CHD6: variants seen among roughly 807,000 people sequenced by gnomAD.
The protein encoded by CHD6 is ATP-dependent chromatin remodeler CHD6.
A neutral mutation model predicts 276.9 loss-of-function variants in CHD6; 50 were observed. The observed-to-expected ratio is 0.18, with a 90% confidence interval of 0.14 to 0.23. The LOEUF (loss-of-function observed/expected upper bound fraction) is 0.23, where lower values mean the gene tolerates loss of function less well. Among genes scored for constraint, CHD6 ranks in the 10% least tolerant of loss-of-function variants. The pLI is 1.00. For synonymous variants in CHD6, 1,173 were observed against 1,229.3 expected (o/e 0.95, Z 0.96); for missense variants, 2,564 against 3,365.8 (o/e 0.76, Z 5.89).
intron 11 of CHD6, among the ~76,000 whole-genome samples, chr20:41,490,356 G>A (rs6029706): frequency 0.23 from 35,182 of 152,062 alleles, 4,245 homozygotes; most frequent in East Asian, 0.39. Flanking sequence ...ACATACCTAG[G>A]CTATGTGGTA....
intron 1 of CHD6, among the ~76,000 whole-genome samples, chr20:41,597,763 A>C (rs541252213): frequency 4.0e-5 from 6 of 151,730 alleles, no homozygotes; most frequent in African/African-American, 1.5e-4. Context: ...GCTACCCCAC[A>C]TCTCATTATT....
rs542916038 is a variant in CHD6, at chr20:41,487,433, T to C, written c.2001+232A>G. 2.0e-5 allele frequency among the ~76,000 whole-genome samples: 3 copies of C among 152,288 alleles called. No individual in the cohort carries two copies. The East Asian group carries it at 5.8e-4, about 29-fold the overall frequency. On this transcript the variant is annotated intron_variant, in intron 14 of 36. Coordinates refer to ENST00000373233, the MANE Select transcript of CHD6 (RefSeq NM_032221.5). ...GCCCGATACACCAACATAAAATATTTTGGGCGCATAAGATATTTTGGGTAT... is the reference window on the plus strand; with the variant it reads ...GCCCGATACACCAACATAAAATATTCTGGGCGCATAAGATATTTTGGGTAT...
chr20:41,565,455 C>T (rs765134789), intron 1 of CHD6, among the ~76,000 whole-genome samples: 2 of 152,098 alleles, frequency 1.3e-5, no homozygotes, highest in African/African-American at 2.4e-5. Flanking sequence ...CATCAGGGCA[C>T]GAGAAAGAGG....
chr20:41,494,496 T>C (rs972842281), intron 8 of CHD6, among the ~76,000 whole-genome samples: 3 of 152,220 alleles, frequency 2.0e-5, no homozygotes, highest in Non-Finnish European at 4.4e-5. Context: ...CATATAGAAA[T>C]ACTTAAGGTA....
At chr20:41,491,871 A>C in intron 10 of CHD6, 52 bp from the exon 11 acceptor site, 1 of 1,595,336 alleles carries the variant, frequency 6.3e-7, no homozygotes, top group Non-Finnish European at 8.6e-7. Context: ...TTTTAGGAGC[A>C]TAACATGGAT....
At chr20:41,425,091 T>C in intron 29 of CHD6, 87 bp downstream of exon 29, 3 of 990,868 alleles carry the variant, frequency 3.0e-6, no homozygotes, top group South Asian at 1.4e-5. Context: ...AACAGAAATA[T>C]ACTCGCCCTC....
At chr20:41,491,598 G>T in intron 11 of CHD6, 100 bp downstream of exon 11, 2 of 1,334,632 alleles carry the variant, frequency 1.5e-6, no homozygotes, top group Non-Finnish European at 2.1e-6. Context: ...TGGCCATGCT[G>T]CTCCCTCTCA....
chr20:41,404,248 G>C lies in CHD6; in HGVS notation c.*345C>G. ...TCCACCCTTCAATGGTAAAACCCTA[G>C]ACAGCTTTCTTTTGCCATTTTTCCT... On this transcript the variant is annotated 3_prime_UTR_variant, in exon 37 of 37. Coordinates refer to ENST00000373233, the MANE Select transcript of CHD6 (RefSeq NM_032221.5). 1 of 1,085,206 alleles carries C rather than the reference G, an allele frequency of 9.2e-7. No individual in the cohort carries two copies. The highest frequency in any genetic ancestry group is 1.1e-6 in the Non-Finnish European group (1 of 893,634). The allele number at this position is 1,085,206 out of a possible 1,614,324, so 67.2% of individuals were successfully genotyped here.
rs1217738154 is a variant in CHD6 at position 41,498,200 on chromosome 20, G to A, written c.942C>T (p.Asp314=). 2 of 1,611,656 alleles carry A rather than the reference G, an allele frequency of 1.2e-6. No homozygotes were observed. The highest frequency in any genetic ancestry group is 1.7e-6 in the Non-Finnish European group (2 of 1,179,140). Residue 314 remains aspartate, a synonymous_variant, in exon 7 of 37, where the codon GAC becomes GAT. Coordinates refer to ENST00000373233, the MANE Select transcript of CHD6 (RefSeq NM_032221.5). ...TATACTTAACGTAGAACAGCTCCAA[G>A]TCGAACGGAGGTTCTCCTGGGTGAA... ...QEVHPGEPPF[D]LELFYVKYRN...
chr20:41,417,159 G>C, intron 32 of CHD6, 39 bp downstream of exon 32: 4 of 1,574,466 alleles, frequency 2.5e-6, no homozygotes, highest in South Asian at 1.2e-5. Context: ...AGCTGGGAAT[G>C]GTTTGGGGGT....
chr20:41,467,014 T>C (rs891229921), intron 17 of CHD6, among the ~76,000 whole-genome samples: 2 of 152,118 alleles, frequency 1.3e-5, no homozygotes, highest in African/African-American at 2.4e-5. Flanking sequence ...CTGAGGCCAG[T>C]GGAGCAGAAA....
At chr20:41,589,489 C>G (rs2045632671) in intron 1 of CHD6, among the ~76,000 whole-genome samples, 1 of 152,188 alleles carries the variant, frequency 6.6e-6, no homozygotes, top group African/African-American at 2.4e-5. Flanking sequence ...AGTCCAAAAT[C>G]TCCTTAAGCT....
intron 1 of CHD6, among the ~76,000 whole-genome samples, chr20:41,560,040 T>G (rs529473726): frequency 6.6e-6 from 1 of 152,204 alleles, no homozygotes; most frequent in South Asian, 2.1e-4. Flanking sequence ...TTGGTTCCTC[T>G]CCAGTCGACT....
At chr20:41,413,192 ATGT>A (rs2046894878) in intron 35 of CHD6, 129 bp downstream of exon 35, 4 of 618,744 alleles carry the variant, frequency 6.5e-6, no homozygotes, top group Non-Finnish European at 8.2e-6. Flanking sequence ...CTTTAACATG[ATGT>A]TGTCAGCTGA....
At chr20:41,610,490 G>A (rs992105331) in intron 1 of CHD6, among the ~76,000 whole-genome samples, 2 of 152,046 alleles carry the variant, frequency 1.3e-5, no homozygotes, top group African/African-American at 2.4e-5. Context: ...GGCCGGGTGC[G>A]GTAGCTCACG....
intron 1 of CHD6, among the ~76,000 whole-genome samples, chr20:41,612,051 A>C (rs768498992): frequency 4.6e-5 from 7 of 152,262 alleles, no homozygotes; most frequent in African/African-American, 1.4e-4. Context: ...AGACTTTCAT[A>C]AAACACCAGA....
intron 1 of CHD6, among the ~76,000 whole-genome samples, chr20:41,559,486 T>C (rs1171641295): frequency 6.6e-6 from 1 of 152,238 alleles, no homozygotes; most frequent in Non-Finnish European, 1.5e-5. Flanking sequence ...TTTTTAGGCT[T>C]TGAGTGCTTT....
chr20:41,435,432 AAAAAACAG>A lies in CHD6; in HGVS notation c.4068+1834_4068+1841del, dbSNP rs570776616. ...GCAACAGCAAGACCCTGTCTCTACA[AAAAAACAG>A]AAAAATAGAAAAAATTAGCTAGGTG... On this transcript the variant is annotated intron_variant, in intron 27 of 36. Coordinates refer to ENST00000373233, the MANE Select transcript of CHD6 (RefSeq NM_032221.5). Among the ~76,000 whole-genome samples the A allele has an allele frequency of 2.0e-3, 286 of 144,410 alleles. 1 individual carries two copies. Among genetic ancestry groups the A allele is most frequent in the Non-Finnish European group, 2.0e-3 (131 of 64,014 alleles). The allele number at this position is 144,410 out of a possible 152,430, so 94.7% of individuals were successfully genotyped here.
chr20:41,481,116 AAAAAATAT>A (rs1179483471), intron 16 of CHD6, among the ~76,000 whole-genome samples: 1 of 151,022 alleles, frequency 6.6e-6, no homozygotes, highest in African/African-American at 2.4e-5. Context: ...GAAAAAGAAA[AAAAAATAT>A]ATATATATAT....
Sources: gnomAD v4.1 joint callset for allele counts (sites outside exome capture counted in the v4.1 genomes callset) on GRCh38, gnomAD v4.1.1 for gene constraint, MANE v1.5 for transcripts, NCBI Gene and HGNC (gene_info 2026-07-23, HGNC 2026-07-21) for gene names.